ACO1: variants seen among roughly 807,000 people sequenced by gnomAD.
ACO1 encodes aconitase 1.
A neutral mutation model predicts 105.1 loss-of-function variants in ACO1; 78 were observed. The observed-to-expected ratio is 0.74, with a 90% CI of 0.62 to 0.90. The LOEUF (loss-of-function observed/expected upper bound fraction) is 0.90, where lower values mean the gene tolerates loss of function less well. Ranked by LOEUF, ACO1 falls within the 40% of genes least tolerant of loss-of-function variation. The pLI, the probability that ACO1 is intolerant of heterozygous loss-of-function variation, is 0.00. For synonymous variants in ACO1, 364 were observed against 397.4 expected (o/e 0.92, Z 1.00); for missense variants, 965 against 1,111.1 (o/e 0.87, Z 1.87).
chr9:32,435,280 TTC>T (rs1320162347), intron 17 of ACO1, among the ~76,000 whole-genome samples: 1 of 152,194 alleles, frequency 6.6e-6, no homozygotes, highest in Non-Finnish European at 1.5e-5. Context: ...GCTGAATCAG[TTC>T]TTTCAGTGAT....
intron 19 of ACO1, among the ~76,000 whole-genome samples, chr9:32,446,045 T>C (rs1473461293): frequency 6.6e-6 from 1 of 152,184 alleles, no homozygotes; most frequent in Non-Finnish European, 1.5e-5. Context: ...TGGTCAGTGT[T>C]AGAAAAAGTG....
chr9:32,393,383 GA>G (rs1303896834), intron 1 of ACO1, among the ~76,000 whole-genome samples: 1 of 152,132 alleles, frequency 6.6e-6, no homozygotes, highest in African/African-American at 2.4e-5. Flanking sequence ...TTATTAGGAC[GA>G]GGAAATTCCC....
At position 32,430,523 on chromosome 9, in the gene ACO1, G is replaced by T. The variant is rs1049919993; in HGVS notation, c.1675G>T (p.Ala559Ser). 6.2e-7 allele frequency: 1 copy of T among 1,609,812 alleles called. No individual in the cohort carries two copies. Among genetic ancestry groups the T allele is most frequent in the African/African-American group, 1.3e-5 (1 of 74,784 alleles). The stretch of plus-strand genomic sequence containing the variant: ...TTTAGCCTCTCCCCCCTTAGTAATA[G>T]CATATGCAATTGCTGGAACCATCAG... Reference protein sequence around the residue: ...NYLASPPLVIAYAIAGTIRID... With the variant: ...NYLASPPLVISYAIAGTIRID... The change falls in exon 14 of 21, where the codon GCA (alanine) becomes TCA (serine). Residue 559 changes from alanine to serine, a missense_variant. Transcript: ENST00000309951.
chr9:32,433,614 G>T, intron 15 of ACO1, 114 bp from the exon 16 acceptor site: 1 of 741,050 alleles, frequency 1.3e-6, no homozygotes, highest in Non-Finnish European at 2.2e-6. Flanking sequence ...TGGCTATTGA[G>T]AATAAAAATG....
At chr9:32,418,611 C>A in intron 6 of ACO1, 100 bp downstream of exon 6, 1 of 1,356,762 alleles carries the variant, frequency 7.4e-7, no homozygotes, top group African/African-American at 1.5e-5. Context: ...CACAAGTTTC[C>A]GAGAGGTATG....
At chr9:32,399,964 C>CTTTTTTTTTT (rs1300474052) in intron 1 of ACO1, among the ~76,000 whole-genome samples, 4 of 42,420 alleles carry the variant, frequency 9.4e-5, no homozygotes, top group Non-Finnish European at 1.5e-4. Context: ...TTTTCTTTTT[C>CTTTTTTTTTT]TGTTTTTTTT....
At chr9:32,428,092 T>C (rs1375700717) in intron 12 of ACO1, among the ~76,000 whole-genome samples, 3 of 148,942 alleles carry the variant, frequency 2.0e-5, no homozygotes, top group African/African-American at 5.0e-5. Flanking sequence ...CAGGGCAACA[T>C]AGTGGGACCC....
At position 32,440,510 on chromosome 9, in the gene ACO1, C is replaced by T. The variant is rs1218281501; in HGVS notation, c.2293C>T (p.Pro765Ser). The T allele has an allele frequency of 1.2e-6, 2 of 1,614,066 alleles. No individual in the cohort carries two copies. Among genetic ancestry groups the T allele is most frequent in the Admixed American group, 1.7e-5 (1 of 60,028 alleles). Residue 765 changes from proline to serine, a missense_variant, in exon 19 of 21, where the codon CCC becomes TCC. Transcript: ENST00000309951. Reference protein sequence around the residue: ...AAERYQQAGLPLIVLAGKEYG... With the variant: ...AAERYQQAGLSLIVLAGKEYG... The stretch of plus-strand genomic sequence containing the variant: ...TGAGCGGTACCAGCAGGCAGGCCTT[C>T]CCCTGATCGTTCTGGCTGGCAAAGA...
intron 19 of ACO1, among the ~76,000 whole-genome samples, chr9:32,448,071 G>C (rs1457957484): frequency 2.0e-5 from 3 of 152,134 alleles, no homozygotes; most frequent in Non-Finnish European, 4.4e-5. Flanking sequence ...CTCAAATGCT[G>C]TGCTGGGAGG....
chr9:32,384,650 C>G lies in ACO1; in HGVS notation c.-108C>G, dbSNP rs1264523458. ...GAGAGGGGGCGGAGCGTGGAGGCGG[C>G]AGCTGGAACCGCGCAGCGCACGGGA... is the stretch of plus-strand genomic sequence containing the variant. On this transcript the variant is annotated 5_prime_UTR_variant, in exon 1 of 21. Transcript: ENST00000309951. The G allele has an allele frequency of 7.8e-6, 3 of 386,776 alleles. No homozygotes were observed. The highest frequency in any genetic ancestry group is 6.6e-5 in the African/African-American group (3 of 45,254). 24.0% of individuals were successfully genotyped at this position (386,776 alleles called of 1,614,324 possible).
intron 19 of ACO1, among the ~76,000 whole-genome samples, chr9:32,444,656 T>G (rs1323787949): frequency 6.6e-6 from 1 of 152,128 alleles, no homozygotes; most frequent in Non-Finnish European, 1.5e-5. Context: ...TTCACCCACT[T>G]TTTGATGGGG....
At position 32,421,041 on chromosome 9, in the gene ACO1, C is replaced by T; in HGVS notation, c.970+14C>T. 5 of 1,607,128 alleles carry T rather than the reference C, an allele frequency of 3.1e-6. No homozygotes were observed. Among genetic ancestry groups the T allele is most frequent in the Non-Finnish European group, 4.3e-6 (5 of 1,174,654 alleles). ...TGGTGCAAACAGGTAAGTGAAGGGCCCTGAAAGCATCGGGCTTTTTGTAAA... is the reference window on the plus strand; with the variant it reads ...TGGTGCAAACAGGTAAGTGAAGGGCTCTGAAAGCATCGGGCTTTTTGTAAA... On this transcript the variant is annotated intron_variant, in intron 8 of 20. Coordinates refer to ENST00000309951, the MANE Select transcript of ACO1 (RefSeq NM_002197.3).
At chr9:32,391,034 A>C (rs1161844588) in intron 1 of ACO1, among the ~76,000 whole-genome samples, 2 of 152,216 alleles carry the variant, frequency 1.3e-5, no homozygotes, top group Non-Finnish European at 2.9e-5. Flanking sequence ...ATCTTCAGTA[A>C]AAGAAACAGG....
In ACO1 at chr9:32,384,719, C is replaced by T; in HGVS notation, c.-39C>T. The T allele has an allele frequency of 2.4e-6, 1 of 411,972 alleles. No homozygotes were observed. Among genetic ancestry groups the T allele is most frequent in the Non-Finnish European group, 4.8e-6 (1 of 207,068 alleles). The allele number at this position is 411,972 out of a possible 1,614,324, so 25.5% of individuals were successfully genotyped here. ...GTCAGGTTCGCCGGTCGCGGGAGCC[C>T]CGCCGTGCAGTCGGAGGTGAGTACC... On this transcript the variant is annotated 5_prime_UTR_variant, in exon 1 of 21. Transcript: ENST00000309951.
rs1383084667 is a variant in ACO1, at chr9:32,408,647, A to G, written c.400A>G (p.Arg134Gly). ...IDHSIQVDFN[R>G]RADSLQKNQD... Reference sequence around the variant, plus strand: ...TCATTCCATCCAGGTTGATTTCAACAGAAGGTGAGAGATTAAAACGAATAC... The same window carrying G: ...TCATTCCATCCAGGTTGATTTCAACGGAAGGTGAGAGATTAAAACGAATAC... The change falls in exon 4 of 21, where the codon AGA becomes GGA. Residue 134 changes from arginine to glycine, a missense_variant. Transcript: ENST00000309951. 5 of 1,613,870 alleles carry G rather than the reference A, an allele frequency of 3.1e-6. No homozygotes were observed. The highest frequency in any genetic ancestry group is 4.2e-6 in the Non-Finnish European group (5 of 1,179,972).
intron 3 of ACO1, 98 bp downstream of exon 3, chr9:32,407,527 A>G (rs1821641974): frequency 8.7e-7 from 1 of 1,145,374 alleles, no homozygotes; most frequent in East Asian, 2.6e-5. Context: ...ATGACTATAT[A>G]CTTTATTAAT....
Position 32,423,400 on chromosome 9 carries a change from A to C in ACO1, c.1052A>C (p.Gln351Pro), listed in dbSNP as rs1485653028. 6 of 1,601,316 alleles carry C rather than the reference A, an allele frequency of 3.7e-6. No individual in the cohort carries two copies. The highest frequency in any genetic ancestry group is 3.4e-5 in the South Asian group (3 of 88,146). Reference protein sequence around the residue: ...GMFRDFNDPSQDPDFTQVVEL... With the variant: ...GMFRDFNDPSPDPDFTQVVEL... ...TTTCGAGATTTCAATGACCCTTCTC[A>C]AGACCCAGACTTCACCCAGGTATGA... is the stretch of plus-strand genomic sequence containing the variant. Residue 351 changes from glutamine to proline, a missense_variant, in exon 9 of 21, where the codon CAA becomes CCA. Coordinates refer to ENST00000309951, the MANE Select transcript of ACO1 (RefSeq NM_002197.3).
In ACO1 at chr9:32,427,306, T is replaced by A; in HGVS notation, c.1354T>A (p.Leu452Ile). 1 of 1,614,158 alleles carries A rather than the reference T, an allele frequency of 6.2e-7. No homozygotes were observed. Among genetic ancestry groups the A allele is most frequent in the South Asian group, 1.1e-5 (1 of 91,080 alleles). Residue 452 changes from leucine (L) to isoleucine (I), a missense_variant, in exon 12 of 21, where the codon TTA (leucine) becomes ATA (isoleucine). By Grantham distance (5) the Leu-to-Ile change is conservative. Transcript: ENST00000309951. ...NPSVMLGAGL[L>I]AKKAVDAGLN... is the part of the protein sequence containing the mutation. ...CTGTGTTTACCATTTCACAGGATTGTTAGCAAAGAAAGCTGTGGATGCTGG... is the reference window on the plus strand; with the variant it reads ...CTGTGTTTACCATTTCACAGGATTGATAGCAAAGAAAGCTGTGGATGCTGG...
intron 4 of ACO1, among the ~76,000 whole-genome samples, chr9:32,412,584 T>C (rs1399621333): frequency 6.6e-6 from 1 of 152,198 alleles, no homozygotes; most frequent in Non-Finnish European, 1.5e-5. Flanking sequence ...AAATCTACTT[T>C]GTCCCCTGAA....
Sources: gnomAD v4.1 joint callset for allele counts (sites outside exome capture counted in the v4.1 genomes callset) on GRCh38, gnomAD v4.1.1 for gene constraint, MANE v1.5 for transcripts, NCBI Gene and HGNC (gene_info 2026-07-23, HGNC 2026-07-21) for gene names.